The following TRAPPC2 variants were observed in gnomAD, a reference collection of about 807,000 sequenced individuals.
TRAPPC2 encodes the protein sedlin.
A neutral mutation model predicts 10.0 loss-of-function variants in TRAPPC2; 4 were observed. That is an observed-to-expected ratio of 0.40 (90% CI 0.20 to 0.92). TRAPPC2 has a LOEUF of 0.92. Ranked by LOEUF, TRAPPC2 falls within the 40% of genes least tolerant of loss-of-function variation. The pLI is 0.35. For synonymous variants in TRAPPC2, 36 were observed against 37.3 expected (o/e 0.97, Z 0.12); for missense variants, 52 against 108.7 (o/e 0.48, Z 2.32).
rs1057515789 is a variant in TRAPPC2 at position 13,713,216 on chromosome X, G to A, written c.*1191C>T. 9.0e-6 allele frequency: 1 copy of A among 110,566 alleles called. No individual in the cohort carries two copies. The highest frequency in any genetic ancestry group is 1.9e-5 in the Non-Finnish European group (1 of 52,859). The allele number at this position is 110,566 out of a possible 1,213,427, so 9.1% of individuals were successfully genotyped here. A position where few individuals can be genotyped will look rare whatever the true frequency, so the allele number is the denominator to read the frequency against. ...TGTAATCCTAGCACTTTGGGAGGCT[G>A]AGGCGGGTGGATCAACTGAGGTCAG... On this transcript the variant is annotated 3_prime_UTR_variant, in exon 6 of 6. Transcript: ENST00000380579.
At chrX:13,720,212 T>G (rs1352493559) in intron 2 of TRAPPC2, 1 of 227,340 alleles carries the variant, frequency 4.4e-6, no homozygotes, top group Non-Finnish European at 7.8e-6. Flanking sequence ...TTAAGTAAAC[T>G]GGAAGACCTC....
intron 2 of TRAPPC2, among the ~76,000 whole-genome samples, chrX:13,725,315 C>T (rs762786063): frequency 2.6e-4 from 29 of 112,758 alleles, no homozygotes; most frequent in Non-Finnish European, 4.5e-4. Context: ...CCCTGACCCC[C>T]GTATGGCCTA....
intron 2 of TRAPPC2, among the ~76,000 whole-genome samples, chrX:13,726,973 C>T (rs2046565855): frequency 8.9e-6 from 1 of 111,814 alleles, no homozygotes; most frequent in African/African-American, 3.3e-5. Context: ...TCTGATAAAA[C>T]AGACTTTAAA....
chrX:13,719,987 T>C lies in TRAPPC2; in HGVS notation c.-19-5A>G. On this transcript the variant is annotated splice_region_variant and splice_polypyrimidine_tract_variant and intron_variant, in intron 2 of 5. Transcript: ENST00000380579. ...ATGGTCTTCAATATATGGCTCCTAA[T>C]TAAGTGAAAAATAGTACATATTTTT... 1.8e-6 allele frequency: 2 copies of C among 1,082,249 alleles called. No individual in the cohort carries two copies. The highest frequency in any genetic ancestry group is 2.5e-6 in the Non-Finnish European group (2 of 813,294). The allele number at this position is 1,082,249 out of a possible 1,213,427, so 89.2% of individuals were successfully genotyped here.
intron 2 of TRAPPC2, among the ~76,000 whole-genome samples, chrX:13,730,310 A>G (rs1373076450): frequency 2.7e-5 from 3 of 112,289 alleles, no homozygotes; most frequent in Admixed American, 9.4e-5. Flanking sequence ...CAACAGACAC[A>G]TGAAAAAAAT....
At chrX:13,719,671 C>T (rs971309843) in intron 3 of TRAPPC2, among the ~76,000 whole-genome samples, 200 bp downstream of exon 3, 4 of 111,539 alleles carry the variant, frequency 3.6e-5, no homozygotes, top group Non-Finnish European at 5.6e-5. Context: ...AATGCCAGAG[C>T]GTCATGCTAG....
Position 13,724,685 on chromosome X carries a change from C to T in TRAPPC2, c.-19-4703G>A, listed in dbSNP as rs185004553. On this transcript the variant is annotated intron_variant, in intron 2 of 5. Transcript: ENST00000380579. The stretch of plus-strand genomic sequence containing the variant: ...GGTCTGCAGCTCCCAGCGTGATCAA[C>T]GCAGAAGATGGGTGATTTCTGCATT... Among the ~76,000 whole-genome samples, 733 of 112,548 alleles carry T rather than the reference C, an allele frequency of 6.5e-3. 4 individuals are homozygous for T. Among genetic ancestry groups the T allele is most frequent in the African/African-American group, 0.023 (699 of 30,999 alleles).
At chrX:13,722,358 G>A (rs1231780049) in intron 2 of TRAPPC2, 1 of 110,788 alleles carries the variant, frequency 9.0e-6, no homozygotes, top group Non-Finnish European at 1.9e-5. Context: ...AAGTCAGCAG[G>A]AAGACAGAAA....
intron 5 of TRAPPC2, among the ~76,000 whole-genome samples, chrX:13,714,966 T>G (rs2046263357): frequency 8.9e-6 from 1 of 112,370 alleles, no homozygotes; most frequent in South Asian, 3.6e-4. Context: ...GCTTCTCAAA[T>G]TAGTGTATCA....
intron 2 of TRAPPC2, chrX:13,722,208 C>CAAAAAAAAAAAAAAAAAAAAAAAAAAAA (rs748574644): frequency 2.8e-5 from 1 of 36,116 alleles, no homozygotes; most frequent in Non-Finnish European, 5.1e-5. Context: ...TAAGCAGCAG[C>CAAAAAAAAAAAAAAAAAAAAAAAAAAAA]AAAAAAAAAA....
intron 2 of TRAPPC2, among the ~76,000 whole-genome samples, chrX:13,732,076 G>A (rs1307666311): frequency 8.9e-6 from 1 of 111,934 alleles, no homozygotes; most frequent in East Asian, 2.8e-4. Flanking sequence ...TCAGTAAGAG[G>A]CAAAAGTCTG....
chrX:13,717,695 C>T (rs771224676), intron 3 of TRAPPC2, among the ~76,000 whole-genome samples: 6 of 111,317 alleles, frequency 5.4e-5, no homozygotes, highest in East Asian at 5.7e-4. Context: ...GCCGAGATCA[C>T]GCCATTGCAC....
intron 2 of TRAPPC2, among the ~76,000 whole-genome samples, chrX:13,725,388 A>G (rs1245837986): frequency 8.9e-6 from 1 of 111,991 alleles, no homozygotes; most frequent in African/African-American, 3.2e-5. Flanking sequence ...CCCCTCTGGG[A>G]TGAAGCTTCC....
rs1029930370 is a variant in TRAPPC2 at position 13,723,027 on chromosome X, G to A, written c.-19-3045C>T. Among the ~76,000 whole-genome samples, 25 of 107,017 alleles carry A rather than the reference G, an allele frequency of 2.3e-4. 1 individual carries two copies. The highest frequency in any genetic ancestry group is 6.5e-4 in the African/African-American group (19 of 29,204). The allele number at this position is 107,017 out of a possible 115,157, so 92.9% of individuals were successfully genotyped here. Reference sequence around the variant, plus strand: ...GAAGAATGGTGTGAACCCGGGAGGCGGAGCTTGCAGTGAGCCAAGATCGTG... The same window carrying A: ...GAAGAATGGTGTGAACCCGGGAGGCAGAGCTTGCAGTGAGCCAAGATCGTG... On this transcript the variant is annotated intron_variant, in intron 2 of 5. Transcript: ENST00000380579.
chrX:13,730,807 T>C (rs1216231054), intron 2 of TRAPPC2, among the ~76,000 whole-genome samples: 1 of 108,099 alleles, frequency 9.3e-6, no homozygotes, highest in Non-Finnish European at 1.9e-5. Context: ...CTGAGCAAAC[T>C]ATCACAAGGA....
intron 5 of TRAPPC2, among the ~76,000 whole-genome samples, chrX:13,715,174 A>G (rs757698512): frequency 2.7e-5 from 3 of 113,016 alleles, no homozygotes; most frequent in Non-Finnish European, 5.6e-5. Flanking sequence ...ACTTATTTAA[A>G]TTATTAAAAA....
At chrX:13,724,629 C>T (rs1023319386) in intron 2 of TRAPPC2, among the ~76,000 whole-genome samples, 3 of 111,876 alleles carry the variant, frequency 2.7e-5, no homozygotes, top group Admixed American at 9.5e-5. Context: ...TCTAGGGATC[C>T]GTTCCAAGAT....
chrX:13,724,401 A>T (rs988971666), intron 2 of TRAPPC2, among the ~76,000 whole-genome samples: 11 of 78,620 alleles, frequency 1.4e-4, no homozygotes, highest in South Asian at 5.0e-4. Flanking sequence ...ATATATATTT[A>T]AAAAAAAAAA....
intron 2 of TRAPPC2, among the ~76,000 whole-genome samples, chrX:13,725,725 C>T (rs899986919): frequency 4.5e-5 from 5 of 112,304 alleles, no homozygotes; most frequent in Admixed American, 9.4e-5. Flanking sequence ...AGCTCCTCGC[C>T]AGCAATGGAA....
Sources: gnomAD v4.1 joint callset for allele counts (sites outside exome capture counted in the v4.1 genomes callset) on GRCh38, gnomAD v4.1.1 for gene constraint, MANE v1.5 for transcripts, NCBI Gene and HGNC (gene_info 2026-07-23, HGNC 2026-07-21) for gene names.